The following NPHP4 variants were observed in gnomAD, a reference collection of about 807,000 sequenced individuals.
The protein encoded by NPHP4 is nephrocystin-4.
In NPHP4, 151 loss-of-function variants were observed where a neutral mutation model predicts 155.8. The observed-to-expected ratio is 0.97, with a 90% CI of 0.85 to 1.11. The LOEUF (loss-of-function observed/expected upper bound fraction) is 1.11, where lower values mean the gene tolerates loss of function less well. Ranked by LOEUF, NPHP4 falls within the 50% of genes least tolerant of loss-of-function variation. The pLI is 0.00. For missense variants in NPHP4, 1,956 were observed against 1,925.7 expected, an observed-to-expected ratio of 1.02 and a Z score of -0.29; for synonymous variants, 845 against 816.8, an observed-to-expected ratio of 1.03 and a Z score of -0.59.
intron 2 of NPHP4, among the ~76,000 whole-genome samples, chr1:5,980,681 G>C (rs981948750): frequency 6.6e-6 from 1 of 152,038 alleles, no homozygotes; most frequent in Admixed American, 6.5e-5. Flanking sequence ...GTCATGAAGG[G>C]AGAAAAGTGG....
At chr1:5,914,564 C>T (rs997827547) in intron 11 of NPHP4, among the ~76,000 whole-genome samples, 7 of 152,198 alleles carry the variant, frequency 4.6e-5, no homozygotes, top group Non-Finnish European at 8.8e-5. Context: ...AATATGCATG[C>T]GCATTGCCAA....
In NPHP4 at chr1:5,892,667, G is replaced by A. The variant is rs943647905; in HGVS notation, c.2144-1639C>T. On this transcript the variant is annotated intron_variant, in intron 16 of 29. Coordinates refer to ENST00000378156, the MANE Select transcript of NPHP4 (RefSeq NM_015102.5). The surrounding 1 kb of genome is among the most constrained non-coding windows in gnomAD (Gnocchi z 4.5). ...CTGGGTCGAGCTGTGTTTGGGACGC[G>A]CGTACTCTCCCCACTGCAGCCTCAG... 3.9e-5 allele frequency among the ~76,000 whole-genome samples: 6 copies of A among 151,972 alleles called. No homozygotes were observed. Among genetic ancestry groups the A allele is most frequent in the East Asian group, 1.9e-4 (1 of 5,188 alleles).
intron 18 of NPHP4, chr1:5,880,558 G>A (rs374873590): frequency 5.0e-5 from 17 of 343,348 alleles, no homozygotes; most frequent in South Asian, 3.0e-4. Context: ...GTCGCAAGGC[G>A]GGCTGCCTCA....
chr1:5,863,268 C>T lies in NPHP4; in HGVS notation c.4278G>A (p.Gln1426=). 1.2e-6 allele frequency: 2 copies of T among 1,614,096 alleles called. No individual in the cohort carries two copies. Among genetic ancestry groups the T allele is most frequent in the Non-Finnish European group, 1.7e-6 (2 of 1,179,908 alleles). Residue 1426 remains glutamine, a synonymous_variant, in exon 30 of 30, where the codon CAG becomes CAA. Coordinates refer to ENST00000378156, the MANE Select transcript of NPHP4 (RefSeq NM_015102.5). The part of the protein sequence containing the change: ...EEAFCVKVIY[Q] ...GAAGGACGTCACCCTCAAGCCCTCA[C>T]TGGTAGATGACCTTCACGCAAAATG...
chr1:5,933,001 C>A, intron 10 of NPHP4, 146 bp downstream of exon 10: 1 of 609,186 alleles, frequency 1.6e-6, no homozygotes, highest in Non-Finnish European at 2.9e-6. Flanking sequence ...AAACATCATA[C>A]TAATCTTTCT....
At position 5,978,163 on chromosome 1, in the gene NPHP4, C is replaced by A. The variant is rs114868012; in HGVS notation, c.279+107G>T. 224 of 1,028,410 alleles carry A rather than the reference C, an allele frequency of 2.2e-4. 3 individuals carry two copies. The African/African-American group carries it at 3.3e-3, about 15-fold the overall frequency. The allele number at this position is 1,028,410 out of a possible 1,614,324, so 63.7% of individuals were successfully genotyped here. ...TGCCTGGACCCACAAGTCTGAGACGCGCTGTGAGGTCTCGGCAAGGCCCCA... is the reference window on the plus strand; with the variant it reads ...TGCCTGGACCCACAAGTCTGAGACGAGCTGTGAGGTCTCGGCAAGGCCCCA... On this transcript the variant is annotated intron_variant, in intron 3 of 29. Coordinates refer to ENST00000378156, the MANE Select transcript of NPHP4 (RefSeq NM_015102.5).
Position 5,918,430 on chromosome 1 carries a change from A to G in NPHP4, c.1442-9217T>C, listed in dbSNP as rs180680140. The stretch of plus-strand genomic sequence containing the variant: ...TTGGAAGAAAATTGCAGAATCTTAA[A>G]TGATTTTATTATTAAACACGATGAG... On this transcript the variant is annotated intron_variant, in intron 11 of 29. Transcript: ENST00000378156. Among the ~76,000 whole-genome samples the G allele has an allele frequency of 2.6e-5, 4 of 152,366 alleles. No individual in the cohort carries two copies. In the East Asian group the frequency reaches 7.7e-4, roughly 29 times the overall value.
intron 5 of NPHP4, 143 bp downstream of exon 5, chr1:5,967,156 A>G (rs1407442294): frequency 4.4e-6 from 3 of 675,168 alleles, no homozygotes; most frequent in African/African-American, 1.8e-5. Flanking sequence ...AGGCCACGAA[A>G]CATCTGCCAA....
At chr1:5,935,099 A>G (rs1646470934) in intron 9 of NPHP4, among the ~76,000 whole-genome samples, 1 of 152,234 alleles carries the variant, frequency 6.6e-6, no homozygotes, top group South Asian at 2.1e-4. Context: ...AGATGTGAAT[A>G]CAGAAAAGAA....
intron 19 of NPHP4, chr1:5,879,580 C>T (rs1331810587): frequency 1.9e-6 from 1 of 519,014 alleles, no homozygotes; most frequent in Non-Finnish European, 3.8e-6. Flanking sequence ...ACACAAATGC[C>T]ACTGGCAGGG....
At chr1:5,976,863 G>T (rs1653682615) in intron 3 of NPHP4, among the ~76,000 whole-genome samples, 1 of 152,166 alleles carries the variant, frequency 6.6e-6, no homozygotes, top group South Asian at 2.1e-4. Context: ...GGCCCTAGGT[G>T]GGGGTGCTGA....
Position 5,867,497 on chromosome 1 carries a change from G to C in NPHP4, c.3472+243C>G. ...CCAGGCACACCTGGACCTGGGCCGC[G>C]GGAGCTGGGATTTTTTAGAAGGGCA... On this transcript the variant is annotated intron_variant, in intron 24 of 29. Coordinates refer to ENST00000378156, the MANE Select transcript of NPHP4 (RefSeq NM_015102.5). The surrounding 1 kb of genome is among the most constrained non-coding windows in gnomAD (Gnocchi z 4.1). The C allele has an allele frequency of 1.7e-6, 1 of 579,392 alleles. No homozygotes were observed. The highest frequency in any genetic ancestry group is 2.9e-5 in the East Asian group (1 of 34,646). The allele number at this position is 579,392 out of a possible 1,614,324, so 35.9% of individuals were successfully genotyped here. A position where few individuals can be genotyped will look rare whatever the true frequency, so the allele number is the denominator to read the frequency against.
rs536940731 is a variant in NPHP4, at chr1:5,938,666, G to A, written c.1120-5337C>T. On this transcript the variant is annotated intron_variant, in intron 9 of 29. Coordinates refer to ENST00000378156, the MANE Select transcript of NPHP4 (RefSeq NM_015102.5). The stretch of plus-strand genomic sequence containing the variant: ...TGAAATTTAACCCTTTTCCCATTTA[G>A]AAAAACAAAGCGCAGCTGGCTGCCA... Among the ~76,000 whole-genome samples the A allele has an allele frequency of 6.6e-5, 10 of 152,350 alleles. No homozygotes were observed. The South Asian group carries it at 2.1e-3, about 32-fold the overall frequency.
At chr1:5,990,546 C>T (rs887505724) in intron 1 of NPHP4, among the ~76,000 whole-genome samples, 1 of 152,174 alleles carries the variant, frequency 6.6e-6, no homozygotes, top group African/African-American at 2.4e-5. Context: ...AACAACTCTG[C>T]CAAATGAGAA....
At position 5,867,589 on chromosome 1, in the gene NPHP4, A is replaced by C; in HGVS notation, c.3472+151T>G. 1 of 771,812 alleles carries C rather than the reference A, an allele frequency of 1.3e-6. No homozygotes were observed. Among genetic ancestry groups the C allele is most frequent in the South Asian group, 1.8e-5 (1 of 54,824 alleles). 47.8% of individuals were successfully genotyped at this position (771,812 alleles called of 1,614,324 possible). A position where few individuals can be genotyped will look rare whatever the true frequency, so the allele number is the denominator to read the frequency against. The stretch of plus-strand genomic sequence containing the variant: ...CAAGAGGGACACCGTTTCAAACCAT[A>C]AAGGCAGGAGAGAGAATTCCCCAGG... On this transcript the variant is annotated intron_variant, in intron 24 of 29. Transcript: ENST00000378156. This position sits in a 1 kb window ranked among gnomAD's most constrained non-coding sequence, Gnocchi z 4.1.
At chr1:5,899,954 A>C (rs1260065644) in intron 16 of NPHP4, among the ~76,000 whole-genome samples, 1 of 152,220 alleles carries the variant, frequency 6.6e-6, no homozygotes, top group East Asian at 1.9e-4. Context: ...AAATAAGCAC[A>C]TGAGAAGATG....
intron 22 of NPHP4, 171 bp from the exon 23 acceptor site, chr1:5,873,506 G>A (rs1642226707): frequency 1.6e-6 from 1 of 644,266 alleles, no homozygotes; most frequent in Non-Finnish European, 2.8e-6. Flanking sequence ...AGAAGGCTGA[G>A]GCTGCCAGGA....
rs989861754 is a variant in NPHP4 at position 5,865,308 on chromosome 1, G to A, written c.3645-35C>T. ...GATGGGAGCCATCTGCACTTGTCCC[G>A]GAGGACTCAGCACCGGCCCACGAGA... On this transcript the variant is annotated intron_variant, in intron 26 of 29. Coordinates refer to ENST00000378156, the MANE Select transcript of NPHP4 (RefSeq NM_015102.5). The A allele has an allele frequency of 2.1e-5, 31 of 1,492,616 alleles. 1 individual carries two copies. The Middle Eastern group carries it at 6.6e-4, about 32-fold the overall frequency. 92.5% of individuals were successfully genotyped at this position (1,492,616 alleles called of 1,614,324 possible).
chr1:5,865,361 G>C, intron 26 of NPHP4, 88 bp from the exon 27 acceptor site: 2 of 1,216,744 alleles, frequency 1.6e-6, no homozygotes, highest in Middle Eastern at 2.9e-4. Flanking sequence ...AGGAGCGTGG[G>C]CAGACAGGAG....
Sources: gnomAD v4.1 joint callset for allele counts (sites outside exome capture counted in the v4.1 genomes callset) on GRCh38, gnomAD v4.1.1 for gene constraint, Gnocchi (gnomAD v3.1) non-coding constraint, MANE v1.5 for transcripts, NCBI Gene and HGNC (gene_info 2026-07-23, HGNC 2026-07-21) for gene names.